The following GABRG3 variants were observed in gnomAD, a reference collection of about 807,000 sequenced individuals.
The protein encoded by GABRG3 is gamma-aminobutyric acid receptor subunit gamma-3.
A neutral mutation model predicts 48.8 loss-of-function variants in GABRG3; 25 were observed. The observed-to-expected ratio is 0.51, with a 90% CI of 0.37 to 0.72. The LOEUF (loss-of-function observed/expected upper bound fraction) is 0.72. Among genes scored for constraint, GABRG3 ranks in the 30% least tolerant of loss-of-function variants. GABRG3 has a pLI of 0.00. For missense variants in GABRG3, 394 were observed against 577.9 expected (o/e 0.68, Z 3.26); for synonymous variants, 227 against 217.6 (o/e 1.04, Z -0.38).
chr15:27,492,561 G>A (rs548789385), intron 6 of GABRG3, among the ~76,000 whole-genome samples: 1 of 152,264 alleles, frequency 6.6e-6, no homozygotes, highest in East Asian at 1.9e-4. Flanking sequence ...TTTTCTTTCT[G>A]CCATTTTAAC....
chr15:27,109,984 CTCTG>C (rs1177389808), intron 3 of GABRG3, among the ~76,000 whole-genome samples: 3 of 152,126 alleles, frequency 2.0e-5, no homozygotes. Flanking sequence ...CTTTGTCTAT[CTCTG>C]TCTATTAATT....
At chr15:27,148,555 C>G (rs558597385) in intron 3 of GABRG3, among the ~76,000 whole-genome samples, 79 of 152,064 alleles carry the variant, frequency 5.2e-4, no homozygotes, top group African/African-American at 1.9e-3. Flanking sequence ...ATGAAAACTA[C>G]AAATCAACAC....
chr15:27,428,947 A>C (rs536585643), intron 5 of GABRG3, among the ~76,000 whole-genome samples: 7 of 152,236 alleles, frequency 4.6e-5, no homozygotes, highest in Non-Finnish European at 8.8e-5. Flanking sequence ...TCAGGGAGGA[A>C]AGTCAGGTAC....
intron 3 of GABRG3, among the ~76,000 whole-genome samples, chr15:27,136,627 A>G (rs1429625486): frequency 2.0e-5 from 3 of 152,138 alleles, no homozygotes; most frequent in African/African-American, 2.4e-5. Context: ...AGCTGCCTTG[A>G]ATTCTGATTA....
intron 3 of GABRG3, among the ~76,000 whole-genome samples, chr15:27,226,836 C>T (rs753414677): frequency 6.6e-5 from 10 of 152,186 alleles, no homozygotes; most frequent in Non-Finnish European, 1.5e-4. Flanking sequence ...TTATCTAGTA[C>T]TCACTTTACT....
At chr15:27,024,310 A>G (rs1284063739) in intron 2 of GABRG3, among the ~76,000 whole-genome samples, 1 of 152,192 alleles carries the variant, frequency 6.6e-6, no homozygotes, top group African/African-American at 2.4e-5. Flanking sequence ...AAATTTTGTT[A>G]TAGTCAAATT....
At chr15:27,263,545 C>A (rs1363635577) in intron 3 of GABRG3, among the ~76,000 whole-genome samples, 1 of 152,080 alleles carries the variant, frequency 6.6e-6, no homozygotes, top group Non-Finnish European at 1.5e-5. Context: ...ACAGATGGAA[C>A]CCAAAATATT....
chr15:27,153,088 C>G (rs1223345374), intron 3 of GABRG3, among the ~76,000 whole-genome samples: 1 of 152,138 alleles, frequency 6.6e-6, no homozygotes, highest in Non-Finnish European at 1.5e-5. Context: ...GTCTCGATCT[C>G]CTGACCTTGT....
chr15:27,132,622 C>T (rs957453598), intron 3 of GABRG3, among the ~76,000 whole-genome samples: 6 of 150,466 alleles, frequency 4.0e-5, no homozygotes, highest in African/African-American at 1.5e-4. Context: ...TTCTTGTAAT[C>T]CTTTTTATTT....
chr15:27,481,695 A>T (rs73369511), intron 6 of GABRG3, among the ~76,000 whole-genome samples: 14,172 of 152,182 alleles, frequency 0.093, 1,202 homozygotes, highest in African/African-American at 0.22. Flanking sequence ...ATTAAGGGAG[A>T]AAAACAAAAG....
chr15:27,061,239 G>A (rs988442997), intron 3 of GABRG3, among the ~76,000 whole-genome samples: 18 of 152,186 alleles, frequency 1.2e-4, no homozygotes, highest in African/African-American at 3.9e-4. Flanking sequence ...TTCATCAGGC[G>A]TCTGCTCTTA....
chr15:27,284,606 G>A lies in GABRG3; in HGVS notation c.271-42203G>A, dbSNP rs77574674. On this transcript the variant is annotated intron_variant, in intron 3 of 9. Coordinates refer to ENST00000615808, the MANE Select transcript of GABRG3 (RefSeq NM_033223.5). ...AGCCTGGAAACTAGCAAGAGTTCAA[G>A]ACCAAGAGAAAGCTGTGGGCACTTG... Among the ~76,000 whole-genome samples the A allele has an allele frequency of 6.9e-3, 1,052 of 152,272 alleles. 13 individuals carry two copies. Among genetic ancestry groups the A allele is most frequent in the African/African-American group, 0.024 (1,007 of 41,558 alleles).
chr15:27,276,528 T>C (rs530155849), intron 3 of GABRG3, among the ~76,000 whole-genome samples: 1 of 152,338 alleles, frequency 6.6e-6, no homozygotes, highest in East Asian at 1.9e-4. Flanking sequence ...CAGCACTTCA[T>C]GCACAGTAAA....
chr15:27,393,111 C>T (rs941482888), intron 5 of GABRG3, among the ~76,000 whole-genome samples: 1 of 151,958 alleles, frequency 6.6e-6, no homozygotes, highest in Non-Finnish European at 1.5e-5. Context: ...TTTGGGAGGC[C>T]AAGGCGGGCA....
At chr15:27,503,694 T>C (rs1242082536) in intron 6 of GABRG3, among the ~76,000 whole-genome samples, 1 of 152,236 alleles carries the variant, frequency 6.6e-6, no homozygotes, top group African/African-American at 2.4e-5. Flanking sequence ...TCAAGTTGAT[T>C]GCTAGTGTTG....
At chr15:27,242,910 A>C (rs1890168182) in intron 3 of GABRG3, among the ~76,000 whole-genome samples, 1 of 152,276 alleles carries the variant, frequency 6.6e-6, no homozygotes, top group South Asian at 2.1e-4. Flanking sequence ...ATTAATTGAA[A>C]GAATCAATGA....
chr15:27,458,620 G>A (rs1291900530), intron 5 of GABRG3, among the ~76,000 whole-genome samples: 1 of 152,074 alleles, frequency 6.6e-6, no homozygotes. Flanking sequence ...AGATTGGGTG[G>A]CAATAACGTG....
At chr15:27,233,293 T>C (rs1032492328) in intron 3 of GABRG3, among the ~76,000 whole-genome samples, 8 of 152,176 alleles carry the variant, frequency 5.3e-5, no homozygotes, top group African/African-American at 1.9e-4. Context: ...TGAAAACCTT[T>C]CTAGCGAGCA....
chr15:27,309,425 A>G (rs1892921323), intron 3 of GABRG3, among the ~76,000 whole-genome samples: 1 of 151,944 alleles, frequency 6.6e-6, no homozygotes, highest in South Asian at 2.1e-4. Context: ...AGCCTATGCA[A>G]ATCAGTTTTG....
Sources: gnomAD v4.1 joint callset for allele counts (sites outside exome capture counted in the v4.1 genomes callset) on GRCh38, gnomAD v4.1.1 for gene constraint, MANE v1.5 for transcripts, NCBI Gene and HGNC (gene_info 2026-07-23, HGNC 2026-07-21) for gene names.